ABTB3: variants seen among roughly 807,000 people sequenced by gnomAD.
ABTB3 encodes ankyrin repeat- and BTB/POZ domain-containing protein 3.
At chr12:107,657,978 C>G in the ABTB3 span, 2 of 512,548 alleles carry the variant, frequency 3.9e-6, no homozygotes, top group Non-Finnish European at 3.5e-6. Context: ...CCATTGAACA[C>G]CCACTGCCGG....
chr12:107,348,395 C>G, the ABTB3 span, among the ~76,000 whole-genome samples: 1 of 152,050 alleles, frequency 6.6e-6, no homozygotes, highest in Non-Finnish European at 1.5e-5. Flanking sequence ...AGACAGTATT[C>G]TAGGTGCTGA....
At chr12:107,513,756 C>T in the ABTB3 span, among the ~76,000 whole-genome samples, 1 of 152,168 alleles carries the variant, frequency 6.6e-6, no homozygotes, top group Admixed American at 6.5e-5. Flanking sequence ...GCCAAGGGGC[C>T]ATCCTATACA....
chr12:107,552,204 C>G, the ABTB3 span, among the ~76,000 whole-genome samples: 1 of 152,200 alleles, frequency 6.6e-6, no homozygotes, highest in East Asian at 1.9e-4. Flanking sequence ...GGAGTCAAGC[C>G]CTGGTCTGGG....
chr12:107,621,440 G>A, the ABTB3 span, among the ~76,000 whole-genome samples: 6 of 143,794 alleles, frequency 4.2e-5, no homozygotes. Context: ...AACATTCCCA[G>A]GGTCTGGGTT....
chr12:107,631,875 G>A, the ABTB3 span, among the ~76,000 whole-genome samples: 2 of 152,178 alleles, frequency 1.3e-5, no homozygotes, highest in Admixed American at 1.3e-4. Flanking sequence ...AGTGTTTGTC[G>A]AGTTTCTCTA....
chr12:107,469,866 TTTTCTTTCTTTCTTTCTTTCTTTC>T, the ABTB3 span, among the ~76,000 whole-genome samples: 1 of 75,502 alleles, frequency 1.3e-5, no homozygotes, highest in Non-Finnish European at 2.8e-5. Flanking sequence ...TCTTTCTTTC[TTTTCTTTCTTTCTTTCTTTCTTTC>T]TTTCTTTCTT....
At chr12:107,616,330 G>A in the ABTB3 span, among the ~76,000 whole-genome samples, 5 of 152,198 alleles carry the variant, frequency 3.3e-5, no homozygotes, top group Non-Finnish European at 7.4e-5. Context: ...GCTCCCCCAT[G>A]GCCGTGCCCT....
chr12:107,428,912 T>A, the ABTB3 span, among the ~76,000 whole-genome samples: 2 of 152,074 alleles, frequency 1.3e-5, no homozygotes, highest in Non-Finnish European at 2.9e-5. Flanking sequence ...CTTCTACAGA[T>A]GAAAAAATGG....
the ABTB3 span, among the ~76,000 whole-genome samples, chr12:107,561,291 T>C: frequency 3.9e-5 from 6 of 152,188 alleles, no homozygotes; most frequent in African/African-American, 1.2e-4. Context: ...AAAGACCAAC[T>C]TGTTGAAAAC....
chr12:107,538,217 C>T, the ABTB3 span, among the ~76,000 whole-genome samples: 4 of 152,216 alleles, frequency 2.6e-5, no homozygotes, highest in African/African-American at 7.2e-5. Flanking sequence ...CACAGGGCAG[C>T]GTGGTGTGGG....
the ABTB3 span, among the ~76,000 whole-genome samples, chr12:107,361,021 C>T: frequency 1.2e-4 from 17 of 143,034 alleles, no homozygotes; most frequent in African/African-American, 3.7e-4. Flanking sequence ...ATCCTCTTGC[C>T]TTGGCCTCCC....
the ABTB3 span, among the ~76,000 whole-genome samples, chr12:107,327,461 A>G: frequency 6.6e-6 from 1 of 151,914 alleles, no homozygotes; most frequent in Admixed American, 6.5e-5. Flanking sequence ...TCCTTTCTAA[A>G]ATTACTTTCA....
the ABTB3 span, among the ~76,000 whole-genome samples, chr12:107,484,890 A>G: frequency 6.6e-6 from 1 of 152,170 alleles, no homozygotes; most frequent in East Asian, 1.9e-4. Flanking sequence ...GGAAGGAAGA[A>G]GGTGTTAAAG....
the ABTB3 span, among the ~76,000 whole-genome samples, chr12:107,463,024 T>C: frequency 5.0e-3 from 765 of 151,820 alleles, 4 homozygotes; most frequent in Non-Finnish European, 7.8e-3. Flanking sequence ...ATGGTAGTGA[T>C]AGTGATGATG....
chr12:107,605,466 T>C, the ABTB3 span, among the ~76,000 whole-genome samples: 3,562 of 152,278 alleles, frequency 0.023, 126 homozygotes, highest in African/African-American at 0.081. Context: ...GAGAGGGAAC[T>C]GCAGGAGCTG....
At chr12:107,487,136 C>G in the ABTB3 span, among the ~76,000 whole-genome samples, 2 of 152,152 alleles carry the variant, frequency 1.3e-5, no homozygotes, top group Non-Finnish European at 2.9e-5. Flanking sequence ...CACCCTAGTG[C>G]CCAATGCATA....
the ABTB3 span, among the ~76,000 whole-genome samples, chr12:107,371,195 C>T: frequency 6.6e-6 from 1 of 152,148 alleles, no homozygotes; most frequent in Non-Finnish European, 1.5e-5. Context: ...GGAGATCATT[C>T]TGGAACTGTG....
chr12:107,331,627 G>A, the ABTB3 span, among the ~76,000 whole-genome samples: 1 of 152,176 alleles, frequency 6.6e-6, no homozygotes, highest in African/African-American at 2.4e-5. Flanking sequence ...GGGTGGGTAA[G>A]AGTGTGATCT....
At chr12:107,520,426 C>T in the ABTB3 span, 292 of 1,573,184 alleles carry the variant, frequency 1.9e-4, no homozygotes, top group Non-Finnish European at 2.3e-4. Context: ...ACCCTTCCCT[C>T]GGTTAACTGA....
Sources: gnomAD v4.1 joint callset for allele counts (sites outside exome capture counted in the v4.1 genomes callset) on GRCh38, gnomAD v4.1.1 for gene constraint, MANE v1.5 for transcripts, NCBI Gene and HGNC (gene_info 2026-07-23, HGNC 2026-07-21) for gene names.